Variants in ALG6 observed in about 807,000 individuals in gnomAD.
ALG6 encodes dolichyl pyrophosphate Man9GlcNAc2 alpha-1,3-glucosyltransferase.
Under a neutral mutation model 66.6 loss-of-function variants are expected in ALG6, and 46 were observed. The observed-to-expected ratio is 0.69, with a 90% CI of 0.55 to 0.88. The LOEUF (loss-of-function observed/expected upper bound fraction) is 0.88. Among genes scored for constraint, ALG6 ranks in the 40% least tolerant of loss-of-function variants. The pLI is 0.00. For missense variants in ALG6, 505 were observed against 586.8 expected (o/e 0.86, Z 1.44); for synonymous variants, 185 against 203.7 (o/e 0.91, Z 0.78).
intron 3 of ALG6, among the ~76,000 whole-genome samples, chr1:63,397,449 T>G (rs1260049795): frequency 1.3e-5 from 2 of 152,100 alleles, no homozygotes; most frequent in Non-Finnish European, 2.9e-5. Context: ...CCTCCCAAAG[T>G]GCTGGGATTA....
Position 63,402,334 on chromosome 1 carries a change from G to A in ALG6, c.248G>A (p.Cys83Tyr). 6.2e-7 allele frequency: 1 copy of A among 1,606,072 alleles called. No homozygotes were observed. The highest frequency in any genetic ancestry group is 2.2e-5 in the East Asian group (1 of 44,786). ...CTTACAGCTTATCATAGTCTCCTAT[G>A]TGCATATGTGTAAGTTTTTCTTTCT... ...PPLTAYHSLL[C>Y]AYVAKFINPD... Residue 83 changes from cysteine to tyrosine, a missense_variant, in exon 4 of 15, where the codon TGT becomes TAT. Coordinates refer to ENST00000263440, the MANE Select transcript of ALG6 (RefSeq NM_013339.4).
Position 63,429,103 on chromosome 1 carries a change from C to A in ALG6, c.1303C>A (p.Leu435Ile), listed in dbSNP as rs2100440869. ...VRKYLPCFTF[L>I]SRIIQYLFLI... ...GAAATATCTTCCATGTTTTACATTT[C>A]TTTCCAGAATTATACAATATTTGGT... The change falls in exon 14 of 15, where the codon CTT becomes ATT. Residue 435 changes from leucine (L) to isoleucine (I), a missense_variant. Transcript: ENST00000263440. The A allele has an allele frequency of 6.2e-7, 1 of 1,600,668 alleles. No individual in the cohort carries two copies. Among genetic ancestry groups the A allele is most frequent in the Non-Finnish European group, 8.5e-7 (1 of 1,172,206 alleles).
chr1:63,406,337 A>G lies in ALG6; in HGVS notation c.367A>G (p.Ile123Val), dbSNP rs1305506543. 5 of 1,613,208 alleles carry G rather than the reference A, an allele frequency of 3.1e-6. No individual in the cohort carries two copies. In the African/African-American group the frequency reaches 6.7e-5, roughly 22 times the overall value. ...RTTVLIADLL[I>V]YIPAVVLYCC... Reference sequence around the variant, plus strand: ...TTCAGTTTTAATTGCTGATCTGCTGATTTACATACCTGCAGTGGTTTTGTA... The same window carrying G: ...TTCAGTTTTAATTGCTGATCTGCTGGTTTACATACCTGCAGTGGTTTTGTA... The change falls in exon 6 of 15, where the codon ATT (isoleucine) becomes GTT (valine). Residue 123 changes from isoleucine to valine, a missense_variant. Ile to Val is a conservative substitution (Grantham distance 29, BLOSUM62 3). Coordinates refer to ENST00000263440, the MANE Select transcript of ALG6 (RefSeq NM_013339.4).
rs1270337982 is a variant in ALG6, at chr1:63,406,401, T to C, written c.429+2T>C. 4 of 1,611,964 alleles carry C rather than the reference T, an allele frequency of 2.5e-6. No homozygotes were observed. The highest frequency in any genetic ancestry group is 1.1e-5 in the South Asian group (1 of 91,040). Reference sequence around the variant, plus strand: ...AAAGAAATCTCAACTAAGAAAAAGGTAGGTTTTCAAGCAGCCTGACAGTTC... The same window carrying C: ...AAAGAAATCTCAACTAAGAAAAAGGCAGGTTTTCAAGCAGCCTGACAGTTC... On this transcript the variant is annotated splice_donor_variant, in intron 6 of 14. Transcript: ENST00000263440. LOFTEE classifies it high-confidence loss of function.
In ALG6 at chr1:63,395,144, G is replaced by A. The variant is rs374256706; in HGVS notation, c.83-1369G>A. On this transcript the variant is annotated intron_variant, in intron 2 of 14. Transcript: ENST00000263440. ...CTCCCAAAGTGCTGGGATTACAGGT[G>A]TGAGCCTCCGCGCCTGGCCAGATAA... 6.6e-5 allele frequency among the ~76,000 whole-genome samples: 10 copies of A among 152,314 alleles called. No individual in the cohort carries two copies. The East Asian group carries it at 1.7e-3, about 26-fold the overall frequency.
In ALG6 at chr1:63,437,354, T is replaced by C. The variant is rs1213046101; in HGVS notation, c.*334T>C. 1.1e-5 allele frequency: 3 copies of C among 285,114 alleles called. No homozygotes were observed. The highest frequency in any genetic ancestry group is 2.0e-5 in the Non-Finnish European group (3 of 148,008). The allele number at this position is 285,114 out of a possible 1,614,324, so 17.7% of individuals were successfully genotyped here. On this transcript the variant is annotated 3_prime_UTR_variant, in exon 15 of 15. Coordinates refer to ENST00000263440, the MANE Select transcript of ALG6 (RefSeq NM_013339.4). ...TAAATGTCTTTAAAAAACTGAGAAA[T>C]ATTTCTTGATATTTGCTTTGTCTAA...
rs780857728 is a variant in ALG6 at position 63,402,252 on chromosome 1, A to G, written c.168-2A>G. On this transcript the variant is annotated splice_acceptor_variant, in intron 3 of 14. Transcript: ENST00000263440. LOFTEE classifies it high-confidence loss of function. ...GTGCTTTCTTCTTTTTTTCTTTTTCAGGTATTTTAACAGCAGTGATAACAA... is the reference window on the plus strand; with the variant it reads ...GTGCTTTCTTCTTTTTTTCTTTTTCGGGTATTTTAACAGCAGTGATAACAA... 6.3e-7 allele frequency: 1 copy of G among 1,580,458 alleles called. No individual in the cohort carries two copies. The highest frequency in any genetic ancestry group is 1.7e-5 in the Admixed American group (1 of 59,936).
Position 63,436,963 on chromosome 1 carries a change from T to TAACA in ALG6, c.1468_1471dup (p.Ile491LysfsTer32). ...ACTTCCTGTTCTTCTTGGTATACTT[T>TAACA]AACATTATTATTATGTGGGATTCCA... On this transcript the variant is annotated frameshift_variant, in exon 15 of 15. Coordinates refer to ENST00000263440, the MANE Select transcript of ALG6 (RefSeq NM_013339.4). LOFTEE classifies it high-confidence loss of function. The TAACA allele has an allele frequency of 6.2e-7, 1 of 1,613,718 alleles. No homozygotes were observed. Among genetic ancestry groups the TAACA allele is most frequent in the Non-Finnish European group, 8.5e-7 (1 of 1,179,702 alleles).
chr1:63,422,332 TATAGGA>T (rs1216456020), intron 12 of ALG6, among the ~76,000 whole-genome samples: 2 of 107,180 alleles, frequency 1.9e-5, no homozygotes, highest in Admixed American at 1.2e-4. Flanking sequence ...AATATATATC[TATAGGA>T]ATATAAATAT....
chr1:63,414,167 A>G (rs1644530843), intron 10 of ALG6, 21 bp downstream of exon 10: 1 of 1,506,820 alleles, frequency 6.6e-7, no homozygotes, highest in African/African-American at 1.4e-5. Context: ...CAAAGTTTGT[A>G]TGTAGTATTT....
At chr1:63,417,954 G>T (rs1644553373) in intron 11 of ALG6, among the ~76,000 whole-genome samples, 2 of 151,998 alleles carry the variant, frequency 1.3e-5, no homozygotes, top group South Asian at 4.1e-4. Context: ...TGACCAACAT[G>T]GAGAAACCCT....
At chr1:63,390,775 G>A (rs1306502171) in intron 2 of ALG6, among the ~76,000 whole-genome samples, 1 of 152,174 alleles carries the variant, frequency 6.6e-6, no homozygotes, top group Non-Finnish European at 1.5e-5. Flanking sequence ...GCTGTGACAA[G>A]CAAGACTGAG....
intron 11 of ALG6, among the ~76,000 whole-genome samples, chr1:63,416,789 A>G (rs576586023): frequency 1.4e-4 from 21 of 152,202 alleles, no homozygotes; most frequent in African/African-American, 5.1e-4. Flanking sequence ...TTTCTATGGC[A>G]TTTAAAATTT....
At position 63,428,778 on chromosome 1, in the gene ALG6, G is replaced by A; in HGVS notation, c.1104G>A (p.Trp368Ter). The A allele has an allele frequency of 6.2e-7, 1 of 1,609,650 alleles. No homozygotes were observed. The highest frequency in any genetic ancestry group is 1.3e-5 in the African/African-American group (1 of 74,884). The change falls in exon 13 of 15, where the codon TGG becomes TGA. Residue 368 changes from tryptophan to a stop codon, truncating the protein, a stop_gained. Transcript: ENST00000263440. LOFTEE classifies it high-confidence loss of function. ...VLSEIPFMST[W>*]FLLVSTFSML... ...GTGAAATTCCTTTTATGTCTACTTG[G>A]TTTTTACTTGTGTCAACATTTAGGT...
intron 2 of ALG6, among the ~76,000 whole-genome samples, chr1:63,395,919 G>A (rs964942822): frequency 2.0e-5 from 3 of 152,310 alleles, no homozygotes; most frequent in East Asian, 3.9e-4. Flanking sequence ...TACTGAACAT[G>A]TAGATTTTTT....
chr1:63,402,589 C>T (rs1028410933), intron 4 of ALG6, among the ~76,000 whole-genome samples: 14 of 150,034 alleles, frequency 9.3e-5, no homozygotes, highest in African/African-American at 2.9e-4. Flanking sequence ...GCCTCAGCCT[C>T]CTGAGTAGCT....
At chr1:63,412,305 T>C (rs1421598751) in intron 9 of ALG6, among the ~76,000 whole-genome samples, 1 of 152,178 alleles carries the variant, frequency 6.6e-6, no homozygotes, top group Non-Finnish European at 1.5e-5. Flanking sequence ...ACTCCTGGGC[T>C]CAAGTGATTC....
At chr1:63,404,793 A>C (rs763364499) in intron 5 of ALG6, among the ~76,000 whole-genome samples, 1 of 152,150 alleles carries the variant, frequency 6.6e-6, no homozygotes, top group Non-Finnish European at 1.5e-5. Context: ...TGAACACCTA[A>C]ATGAGATAAA....
chr1:63,372,000 G>T (rs1192679535), intron 2 of ALG6, among the ~76,000 whole-genome samples: 1 of 152,202 alleles, frequency 6.6e-6, no homozygotes. Context: ...AGAGGTAAAT[G>T]ATCAAGATGC....
Sources: gnomAD v4.1 joint callset for allele counts (sites outside exome capture counted in the v4.1 genomes callset) on GRCh38, gnomAD v4.1.1 for gene constraint, MANE v1.5 for transcripts, NCBI Gene and HGNC (gene_info 2026-07-23, HGNC 2026-07-21) for gene names.